ZHX3: variants seen among roughly 807,000 people sequenced by gnomAD.
ZHX3 encodes zinc fingers and homeoboxes protein 3.
In ZHX3, 20 loss-of-function variants were observed where a neutral mutation model predicts 64.5. That is an observed-to-expected ratio of 0.31 (90% CI 0.22 to 0.45). The LOEUF (loss-of-function observed/expected upper bound fraction) is 0.45, where lower values mean the gene tolerates loss of function less well. Among genes scored for constraint, ZHX3 ranks in the 20% least tolerant of loss-of-function variants. The probability of loss-of-function intolerance (pLI) is 1.00; values close to 1 mark genes in which losing one functional copy is unlikely to be tolerated. For missense variants in ZHX3, 1,041 were observed against 1,195.8 expected, an observed-to-expected ratio of 0.87 and a Z score of 1.91; for synonymous variants, 423 against 461.6, an observed-to-expected ratio of 0.92 and a Z score of 1.07.
intron 2 of ZHX3, among the ~76,000 whole-genome samples, chr20:41,240,334 C>T (rs562823781): frequency 4.8e-4 from 73 of 152,278 alleles, no homozygotes; most frequent in Non-Finnish European, 8.8e-4. Context: ...CAGATGCTTT[C>T]CCTTCAAATC....
At chr20:41,251,306 G>A (rs1195490875) in intron 2 of ZHX3, among the ~76,000 whole-genome samples, 2 of 152,012 alleles carry the variant, frequency 1.3e-5, no homozygotes, top group African/African-American at 4.8e-5. Context: ...TTAAAAGGGG[G>A]AAGGTAAAGG....
At chr20:41,315,642 AATT>A (rs1438188877) in intron 1 of ZHX3, among the ~76,000 whole-genome samples, 1 of 152,102 alleles carries the variant, frequency 6.6e-6, no homozygotes, top group Admixed American at 6.5e-5. Context: ...ACATGATCTG[AATT>A]TTTTAAAGGA....
At chr20:41,269,869 A>AT (rs1162608479) in intron 1 of ZHX3, among the ~76,000 whole-genome samples, 6 of 147,772 alleles carry the variant, frequency 4.1e-5, no homozygotes, top group South Asian at 2.1e-4. Flanking sequence ...GAATGTACAC[A>AT]TTTTTTTTGC....
intron 1 of ZHX3, among the ~76,000 whole-genome samples, chr20:41,286,062 CTT>C (rs2043921885): frequency 6.6e-6 from 1 of 152,284 alleles, no homozygotes; most frequent in South Asian, 2.1e-4. Flanking sequence ...TGTAAAGTCT[CTT>C]TTCAATTAAA....
At chr20:41,304,911 A>T (rs906545249) in intron 1 of ZHX3, among the ~76,000 whole-genome samples, 1 of 152,280 alleles carries the variant, frequency 6.6e-6, no homozygotes, top group African/African-American at 2.4e-5. Context: ...ATCATGGGGA[A>T]GAATCAAGAC....
At chr20:41,295,850 CAA>C (rs756423849) in intron 1 of ZHX3, among the ~76,000 whole-genome samples, 7 of 104,752 alleles carry the variant, frequency 6.7e-5, no homozygotes, top group East Asian at 2.7e-4. Flanking sequence ...GACTCCGTCT[CAA>C]AAAAAAAAAA....
In ZHX3 at chr20:41,232,980, G is replaced by A. The variant is rs1393009410; in HGVS notation, c.-150-27914C>T. 6.6e-6 allele frequency among the ~76,000 whole-genome samples: 1 copy of A among 152,210 alleles called. No individual in the cohort carries two copies. Among genetic ancestry groups the A allele is most frequent in the Non-Finnish European group, 1.5e-5 (1 of 68,036 alleles). On this transcript the variant is annotated intron_variant, in intron 2 of 3. Transcript: ENST00000683867. This position sits in a 1 kb window ranked among gnomAD's most constrained non-coding sequence, Gnocchi z 5.0. ...TTACACAAGGCTGGTCTTAGGGTTC[G>A]TTTAATCGCTACATCCATCTTTATC...
At chr20:41,236,808 C>G (rs537044802) in intron 2 of ZHX3, among the ~76,000 whole-genome samples, 1 of 152,234 alleles carries the variant, frequency 6.6e-6, no homozygotes, top group African/African-American at 2.4e-5. Context: ...GCAAAAGAAA[C>G]TACCATCAGA....
At chr20:41,269,229 G>A (rs992450939) in intron 1 of ZHX3, 146 bp from the exon 2 acceptor site, 3 of 152,124 alleles carry the variant, frequency 2.0e-5, no homozygotes, top group African/African-American at 7.2e-5. Flanking sequence ...TGAAAAAGAG[G>A]TTATCAAAAT....
chr20:41,261,532 C>T (rs2042561357), intron 2 of ZHX3, among the ~76,000 whole-genome samples: 1 of 152,178 alleles, frequency 6.6e-6, no homozygotes, highest in Non-Finnish European at 1.5e-5. Flanking sequence ...ACACCTCTTC[C>T]ACACCACTTT....
At chr20:41,221,855 A>G (rs1483485298) in intron 2 of ZHX3, among the ~76,000 whole-genome samples, 1 of 152,254 alleles carries the variant, frequency 6.6e-6, no homozygotes, top group Non-Finnish European at 1.5e-5. Context: ...TTCAAAGAAC[A>G]GCAAGGAGGC....
intron 2 of ZHX3, among the ~76,000 whole-genome samples, chr20:41,235,356 G>A (rs147511126): frequency 0.011 from 1,745 of 152,148 alleles, 31 homozygotes; most frequent in African/African-American, 0.04. Flanking sequence ...GATGAACATC[G>A]ATGCAAAAAT....
Position 41,179,079 on chromosome 20 carries a change from C to T in ZHX3, c.*6112G>A, listed in dbSNP as rs2036151606. 6.6e-6 allele frequency: 1 copy of T among 152,548 alleles called. No homozygotes were observed. Among genetic ancestry groups the T allele is most frequent in the African/African-American group, 2.4e-5 (1 of 41,452 alleles). The allele number at this position is 152,548 out of a possible 1,614,324, so 9.4% of individuals were successfully genotyped here. A position where few individuals can be genotyped will look rare whatever the true frequency, so the allele number is the denominator to read the frequency against. On this transcript the variant is annotated 3_prime_UTR_variant, in exon 4 of 4. Transcript: ENST00000683867. The surrounding 1 kb of genome is among the most constrained non-coding windows in gnomAD (Gnocchi z 4.3). Reference sequence around the variant, plus strand: ...CAGGAATCAAGACCTTGTCAGGAGGCATCTACAGGCCTTTGGCAACCTCCC... The same window carrying T: ...CAGGAATCAAGACCTTGTCAGGAGGTATCTACAGGCCTTTGGCAACCTCCC...
At chr20:41,237,732 A>C (rs1350365324) in intron 2 of ZHX3, among the ~76,000 whole-genome samples, 1 of 152,228 alleles carries the variant, frequency 6.6e-6, no homozygotes, top group Non-Finnish European at 1.5e-5. Context: ...CACGTTGTGC[A>C]CATGTACCCT....
At position 41,223,818 on chromosome 20, in the gene ZHX3, A is replaced by G. The variant is rs1249564783; in HGVS notation, c.-150-18752T>C. 2.0e-5 allele frequency among the ~76,000 whole-genome samples: 3 copies of G among 152,354 alleles called. No individual in the cohort carries two copies. The South Asian group carries it at 6.2e-4, about 32-fold the overall frequency. On this transcript the variant is annotated intron_variant, in intron 2 of 3. Transcript: ENST00000683867. The stretch of plus-strand genomic sequence containing the variant: ...TGGGTTGTTACAAATAACAAGTGAG[A>G]AAGTGAGAAGCTAATGGCGTCAGAG...
At chr20:41,216,384 T>C (rs1205904009) in intron 2 of ZHX3, among the ~76,000 whole-genome samples, 1 of 152,226 alleles carries the variant, frequency 6.6e-6, no homozygotes, top group Non-Finnish European at 1.5e-5. Flanking sequence ...TAAACCATTG[T>C]TAACAGTGCA....
At chr20:41,281,844 T>C (rs960968730) in intron 1 of ZHX3, among the ~76,000 whole-genome samples, 6 of 152,228 alleles carry the variant, frequency 3.9e-5, no homozygotes, top group African/African-American at 1.4e-4. Flanking sequence ...AATTGACTTA[T>C]GTTTCCAAAA....
intron 1 of ZHX3, among the ~76,000 whole-genome samples, chr20:41,305,989 T>C (rs1480563834): frequency 6.6e-6 from 1 of 152,134 alleles, no homozygotes; most frequent in Admixed American, 6.5e-5. Flanking sequence ...ATATCCATTG[T>C]TGTAATAAAA....
chr20:41,243,956 G>A lies in ZHX3; in HGVS notation c.-151+25034C>T, dbSNP rs142066024. Among the ~76,000 whole-genome samples the A allele has an allele frequency of 9.2e-3, 1,400 of 152,238 alleles. 11 individuals carry two copies. Among genetic ancestry groups the A allele is most frequent in the Middle Eastern group, 0.048 (14 of 294 alleles). On this transcript the variant is annotated intron_variant, in intron 2 of 3. Transcript: ENST00000683867. Reference sequence around the variant, plus strand: ...ACAGAAGCTCTTAAACACAGAGTTGGAAGCAGGCAAACACTAAGGGATTCG... The same window carrying A: ...ACAGAAGCTCTTAAACACAGAGTTGAAAGCAGGCAAACACTAAGGGATTCG...
Sources: gnomAD v4.1 joint callset for allele counts (sites outside exome capture counted in the v4.1 genomes callset) on GRCh38, gnomAD v4.1.1 for gene constraint, Gnocchi (gnomAD v3.1) non-coding constraint, MANE v1.5 for transcripts, NCBI Gene and HGNC (gene_info 2026-07-23, HGNC 2026-07-21) for gene names.